GPR158: variants seen among roughly 807,000 people sequenced by gnomAD.
GPR158 encodes the protein metabotropic glycine receptor.
GPR158 carries 30 observed loss-of-function variants against 78.2 expected under a neutral mutation model. The observed-to-expected ratio is 0.38, with a 90% CI of 0.29 to 0.52. GPR158 has a LOEUF of 0.52. Ranked by LOEUF, GPR158 falls within the 20% of genes least tolerant of loss-of-function variation. The pLI, the probability that GPR158 is intolerant of heterozygous loss-of-function variation, is 0.83. For missense variants in GPR158, 1,463 were observed against 1,523.5 expected, an observed-to-expected ratio of 0.96 and a Z score of 0.66; for synonymous variants, 581 against 591.1, an observed-to-expected ratio of 0.98 and a Z score of 0.25.
At chr10:25,481,746 G>T (rs1835666241) in intron 5 of GPR158, among the ~76,000 whole-genome samples, 1 of 152,114 alleles carries the variant, frequency 6.6e-6, no homozygotes, top group Non-Finnish European at 1.5e-5. Context: ...CACCAGCAAT[G>T]CAGAGTGTTT....
intron 8 of GPR158, among the ~76,000 whole-genome samples, chr10:25,591,524 G>A (rs1252101945): frequency 1.3e-5 from 2 of 152,108 alleles, no homozygotes; most frequent in African/African-American, 4.8e-5. Context: ...AATGCTCCAT[G>A]TTGAACCTAG....
intron 8 of GPR158, among the ~76,000 whole-genome samples, chr10:25,592,969 C>A (rs145933146): frequency 5.5e-5 from 8 of 146,288 alleles, no homozygotes; most frequent in South Asian, 4.5e-4. Flanking sequence ...TTTTCACAAT[C>A]TTTTGTCAAA....
intron 5 of GPR158, among the ~76,000 whole-genome samples, chr10:25,543,120 ATT>A (rs1227049474): frequency 2.6e-5 from 4 of 151,886 alleles, no homozygotes; most frequent in South Asian, 2.1e-4. Context: ...TTTATTTTTT[ATT>A]TTTATTTTTA....
intron 2 of GPR158, among the ~76,000 whole-genome samples, chr10:25,330,476 CA>C (rs1234758464): frequency 3.9e-5 from 6 of 152,262 alleles, no homozygotes; most frequent in African/African-American, 1.2e-4. Flanking sequence ...TTATAATAGA[CA>C]CCAAAATCAA....
chr10:25,497,872 GTCA>G (rs1262204095), intron 5 of GPR158, among the ~76,000 whole-genome samples: 1 of 152,088 alleles, frequency 6.6e-6, no homozygotes, highest in Non-Finnish European at 1.5e-5. Context: ...TCTTAAATAT[GTCA>G]TCAAGACACA....
At chr10:25,296,027 G>A (rs1854507917) in intron 2 of GPR158, among the ~76,000 whole-genome samples, 1 of 143,470 alleles carries the variant, frequency 7.0e-6, no homozygotes, top group Non-Finnish European at 1.5e-5. Context: ...AAAGGGAAAT[G>A]AGAAAAGCAT....
intron 2 of GPR158, among the ~76,000 whole-genome samples, chr10:25,255,858 T>A (rs1197552558): frequency 6.6e-6 from 1 of 152,224 alleles, no homozygotes; most frequent in Non-Finnish European, 1.5e-5. Flanking sequence ...TCGGGTAATA[T>A]CACTTAATCA....
chr10:25,177,209 G>A (rs117818138), intron 1 of GPR158, among the ~76,000 whole-genome samples: 1,776 of 152,318 alleles, frequency 0.012, 22 homozygotes, highest in Middle Eastern at 0.041. Flanking sequence ...CAGAGAATTT[G>A]CAAATTAACA....
intron 2 of GPR158, among the ~76,000 whole-genome samples, chr10:25,291,323 C>A (rs113577103): frequency 6.6e-6 from 1 of 151,848 alleles, no homozygotes; most frequent in African/African-American, 2.4e-5. Context: ...TTTGAGCAAG[C>A]GCTTAAAGAG....
chr10:25,542,276 G>A (rs1219536717), intron 5 of GPR158, among the ~76,000 whole-genome samples: 4 of 152,142 alleles, frequency 2.6e-5, no homozygotes, highest in Admixed American at 2.0e-4. Flanking sequence ...AACTAGGAAA[G>A]GGGAACTGCT....
At chr10:25,450,049 G>A (rs1299176919) in intron 4 of GPR158, among the ~76,000 whole-genome samples, 1 of 150,972 alleles carries the variant, frequency 6.6e-6, no homozygotes, top group African/African-American at 2.4e-5. Context: ...CACCACCTTG[G>A]CTAATACATG....
At chr10:25,491,236 A>G (rs114228989) in intron 5 of GPR158, among the ~76,000 whole-genome samples, 4,304 of 152,248 alleles carry the variant, frequency 0.028, 197 homozygotes, top group African/African-American at 0.098. Flanking sequence ...TACATTTCCC[A>G]GCCTCACAAC....
intron 1 of GPR158, among the ~76,000 whole-genome samples, chr10:25,209,270 A>G (rs956096863): frequency 2.0e-5 from 3 of 152,164 alleles, no homozygotes; most frequent in Non-Finnish European, 4.4e-5. Context: ...GTACCACTCT[A>G]TCTCTTCCTC....
chr10:25,371,191 G>A (rs1400516916), intron 2 of GPR158, among the ~76,000 whole-genome samples: 4 of 149,038 alleles, frequency 2.7e-5, no homozygotes, highest in African/African-American at 5.0e-5. Context: ...ATTGTTATGT[G>A]TGAATTTGAT....
At chr10:25,546,436 C>T (rs1041537793) in intron 5 of GPR158, among the ~76,000 whole-genome samples, 1 of 152,110 alleles carries the variant, frequency 6.6e-6, no homozygotes. Context: ...CTCCAGGTCA[C>T]CCAGGCTTAA....
At chr10:25,456,289 TAG>T (rs1251658065) in intron 4 of GPR158, among the ~76,000 whole-genome samples, 2 of 152,218 alleles carry the variant, frequency 1.3e-5, no homozygotes, top group African/African-American at 4.8e-5. Flanking sequence ...GTGTTACATG[TAG>T]AGTGTAGCAT....
At chr10:25,235,161 T>C (rs1271445328) in intron 2 of GPR158, among the ~76,000 whole-genome samples, 2 of 152,204 alleles carry the variant, frequency 1.3e-5, no homozygotes, top group African/African-American at 4.8e-5. Context: ...TCTTTTCTCT[T>C]TGGTGAGAAT....
chr10:25,395,949 C>T lies in GPR158; in HGVS notation c.1047C>T (p.Ala349=). 6.2e-7 allele frequency: 1 copy of T among 1,608,728 alleles called. No individual in the cohort carries two copies. The highest frequency in any genetic ancestry group is 8.5e-7 in the Non-Finnish European group (1 of 1,175,178). Residue 349 remains alanine, a synonymous_variant, in exon 3 of 11, where the codon GCC becomes GCT. Coordinates refer to ENST00000376351, the MANE Select transcript of GPR158 (RefSeq NM_020752.3). ...PIKGLGFVLG[A]YECICKAGFY... ...AAGGCCTAGGATTCGTTCTTGGAGC[C>T]TATGAGTGCATTTGCAAAGCAGGAT...
chr10:25,371,501 A>G (rs1833992767), intron 2 of GPR158, among the ~76,000 whole-genome samples: 1 of 151,618 alleles, frequency 6.6e-6, no homozygotes, highest in Non-Finnish European at 1.5e-5. Flanking sequence ...CTGGTACCAA[A>G]ACAGAGATAT....
Sources: gnomAD v4.1 joint callset for allele counts (sites outside exome capture counted in the v4.1 genomes callset) on GRCh38, gnomAD v4.1.1 for gene constraint, MANE v1.5 for transcripts, NCBI Gene and HGNC (gene_info 2026-07-23, HGNC 2026-07-21) for gene names.